Variants in ELAVL4 observed in about 807,000 individuals in gnomAD.
The protein encoded by ELAVL4 is ELAV like RNA binding protein 4, also known as ELAV-like protein 4.
ELAVL4 carries 1 observed loss-of-function variant against 35.6 expected under a neutral mutation model. The observed-to-expected ratio is 0.03, with a 90% confidence interval of 0.01 to 0.13. ELAVL4 has a LOEUF of 0.13. Among genes scored for constraint, ELAVL4 ranks in the 10% least tolerant of loss-of-function variants. ELAVL4 has a pLI of 1.00. For synonymous variants in ELAVL4, 156 were observed against 171.0 expected (o/e 0.91, Z 0.69); for missense variants, 267 against 464.9 (o/e 0.57, Z 3.91).
intron 1 of ELAVL4, among the ~76,000 whole-genome samples, chr1:50,080,397 G>A (rs961043378): frequency 1.3e-5 from 2 of 151,208 alleles, no homozygotes; most frequent in Non-Finnish European, 2.9e-5. Flanking sequence ...GAGTTCAAAG[G>A]TGTAATATGT....
intron 1 of ELAVL4, among the ~76,000 whole-genome samples, chr1:50,111,833 T>A (rs1667122791): frequency 6.6e-6 from 1 of 152,128 alleles, no homozygotes; most frequent in Admixed American, 6.6e-5. Flanking sequence ...TTTCTCATGA[T>A]GGTGGGTACC....
rs1014590772 is a variant in ELAVL4, at chr1:50,159,977, T to C, written c.250+14780T>C. ...TGCCATATGGATCCAAACTCTAGCATCAGCACAGTCCCATCTCACACTAGG... is the reference window on the plus strand; with the variant it reads ...TGCCATATGGATCCAAACTCTAGCACCAGCACAGTCCCATCTCACACTAGG... On this transcript the variant is annotated intron_variant, in intron 2 of 6. Coordinates refer to ENST00000371824, the MANE Select transcript of ELAVL4 (RefSeq NM_001144774.3). Among the ~76,000 whole-genome samples, 77 of 152,252 alleles carry C rather than the reference T, an allele frequency of 5.1e-4. 1 individual carries two copies. The highest frequency in any genetic ancestry group is 1.7e-3 in the African/African-American group (72 of 41,546).
Position 50,144,975 on chromosome 1 carries a change from C to T in ELAVL4, c.28C>T (p.Pro10Ser), listed in dbSNP as rs756230853. 6.2e-7 allele frequency: 1 copy of T among 1,613,664 alleles called. No homozygotes were observed. The highest frequency in any genetic ancestry group is 1.3e-5 in the African/African-American group (1 of 74,942). ...TATTTAGATAATTAGCACCATGGAG[C>T]CTCAGGTGTCAAATGGTCCGACATC... MVMIISTME[P>S]QVSNGPTSNT... is the part of the protein sequence containing the mutation. Residue 10 changes from proline to serine, a missense_variant, in exon 2 of 7, where the codon CCT (proline) becomes TCT (serine). Physicochemically the swap from Pro to Ser is moderately conservative, Grantham distance 74 (BLOSUM62 -1). Around this residue, in one of 2 missense-constraint regions of ELAVL4, gnomAD observed 51 missense variants for 55.4 expected, o/e 0.92. Coordinates refer to ENST00000371824, the MANE Select transcript of ELAVL4 (RefSeq NM_001144774.3).
chr1:50,076,430 A>C (rs1402545949), intron 1 of ELAVL4, among the ~76,000 whole-genome samples: 1 of 152,214 alleles, frequency 6.6e-6, no homozygotes, highest in African/African-American at 2.4e-5. Context: ...TTGATCTCTT[A>C]CTGTGCTTAC....
At chr1:50,140,817 A>G (rs1557768162) in intron 1 of ELAVL4, among the ~76,000 whole-genome samples, 2 of 151,410 alleles carry the variant, frequency 1.3e-5, no homozygotes, top group Admixed American at 6.6e-5. Context: ...TGCAGAGCAA[A>G]GAGAGCTCCA....
chr1:50,145,228 C>T (rs1673487291), intron 2 of ELAVL4, 31 bp downstream of exon 2: 6 of 1,612,146 alleles, frequency 3.7e-6, no homozygotes, highest in Non-Finnish European at 5.1e-6. Flanking sequence ...TATGTTGTTC[C>T]ATTAGATGTG....
At chr1:50,064,052 C>A (rs1313662784) in intron 1 of ELAVL4, among the ~76,000 whole-genome samples, 2 of 152,130 alleles carry the variant, frequency 1.3e-5, no homozygotes, top group African/African-American at 4.8e-5. Flanking sequence ...GAAGGAAAAG[C>A]TTGTGCCAAG....
intron 2 of ELAVL4, among the ~76,000 whole-genome samples, chr1:50,168,229 G>A (rs1350966425): frequency 1.3e-5 from 2 of 152,198 alleles, no homozygotes; most frequent in Non-Finnish European, 2.9e-5. Flanking sequence ...CTGGGGAAGA[G>A]AAGGCAGGGT....
upstream of ELAVL4, among the ~76,000 whole-genome samples, chr1:50,104,510 A>T (rs533409070): frequency 4.6e-5 from 7 of 152,330 alleles, no homozygotes; most frequent in South Asian, 1.5e-3. Flanking sequence ...TGCCGTCTTG[A>T]CTTAAAGATG....
chr1:50,114,541 G>T (rs1667622536), intron 1 of ELAVL4, among the ~76,000 whole-genome samples: 1 of 151,956 alleles, frequency 6.6e-6, no homozygotes, highest in South Asian at 2.1e-4. Context: ...GCAGTGAAAA[G>T]GAAAAAAAGG....
At chr1:50,048,493 C>T (rs1663187609) in intron 1 of ELAVL4, among the ~76,000 whole-genome samples, 1 of 152,164 alleles carries the variant, frequency 6.6e-6, no homozygotes, top group Non-Finnish European at 1.5e-5. Flanking sequence ...GACGCGCGCC[C>T]CCTCCCCAGC....
intron 1 of ELAVL4, among the ~76,000 whole-genome samples, chr1:50,144,155 A>G (rs1483367587): frequency 6.6e-6 from 1 of 152,164 alleles, no homozygotes; most frequent in African/African-American, 2.4e-5. Context: ...TCATTTCTTT[A>G]TTCTCATACG....
intron 1 of ELAVL4, among the ~76,000 whole-genome samples, chr1:50,056,750 G>A (rs925672725): frequency 6.6e-6 from 1 of 152,088 alleles, no homozygotes; most frequent in Non-Finnish European, 1.5e-5. Context: ...TGGCTAACAC[G>A]GTGAAACTCC....
intron 2 of ELAVL4, 24 bp from the exon 3 acceptor site, chr1:50,177,065 T>C: frequency 6.3e-7 from 1 of 1,585,854 alleles, no homozygotes. Flanking sequence ...TCCCTTTCTC[T>C]CTCTCTTTTT....
At chr1:50,117,584 G>A (rs1299477422) in intron 1 of ELAVL4, among the ~76,000 whole-genome samples, 2 of 152,146 alleles carry the variant, frequency 1.3e-5, no homozygotes, top group African/African-American at 4.8e-5. Flanking sequence ...ATCTTTAAAT[G>A]GTGATGACAA....
intron 3 of ELAVL4, among the ~76,000 whole-genome samples, chr1:50,178,088 C>T (rs1469062727): frequency 6.6e-6 from 1 of 152,182 alleles, no homozygotes; most frequent in Non-Finnish European, 1.5e-5. Flanking sequence ...CCTCCTCGGC[C>T]TTCCTTCCCT....
At chr1:50,188,728 A>G (rs901659683) in intron 3 of ELAVL4, among the ~76,000 whole-genome samples, 9 of 152,208 alleles carry the variant, frequency 5.9e-5, no homozygotes, top group African/African-American at 2.2e-4. Context: ...GGCTCCCAGA[A>G]GGGAAGAAGC....
At chr1:50,053,063 G>A (rs961583271) in intron 1 of ELAVL4, among the ~76,000 whole-genome samples, 4 of 152,050 alleles carry the variant, frequency 2.6e-5, no homozygotes. Context: ...AATTGCAAAC[G>A]CTTATTATCT....
At chr1:50,105,198 T>A (rs577943576), upstream of ELAVL4, among the ~76,000 whole-genome samples, 16 of 152,348 alleles carry the variant, frequency 1.1e-4, no homozygotes, top group East Asian at 3.1e-3. Flanking sequence ...CTTGCCTCCA[T>A]CTTGTATGTG....
Sources: allele counts gnomAD v4.1 joint callset (sites outside exome capture counted in the v4.1 genomes callset), GRCh38; gene constraint gnomAD v4.1.1; regional missense constraint gnomAD v4.1.1; transcripts MANE v1.5; gene names NCBI Gene and HGNC (gene_info 2026-07-23, HGNC 2026-07-21).